The following PGM5 variants were observed in gnomAD, a reference collection of about 807,000 sequenced individuals.
The protein encoded by PGM5 is phosphoglucomutase 5.
PGM5 carries 23 observed loss-of-function variants against 59.2 expected under a neutral mutation model. The observed-to-expected ratio is 0.39, with a 90% CI of 0.28 to 0.55. The LOEUF (loss-of-function observed/expected upper bound fraction) is 0.55, where lower values mean the gene tolerates loss of function less well. PGM5 is among the 20% of genes least tolerant of loss of function. PGM5 has a pLI of 0.66. For synonymous variants in PGM5, 214 were observed against 286.0 expected (o/e 0.75, Z 2.54); for missense variants, 574 against 748.3 (o/e 0.77, Z 2.72).
intron 6 of PGM5, among the ~76,000 whole-genome samples, chr9:68,393,468 G>A (rs1221448043): frequency 6.6e-5 from 10 of 152,034 alleles, no homozygotes; most frequent in South Asian, 2.1e-4. Context: ...AATTTTGGCC[G>A]GGCGTGGCGA....
chr9:68,491,123 C>T (rs1824382566), intron 9 of PGM5, among the ~76,000 whole-genome samples: 2 of 152,120 alleles, frequency 1.3e-5, no homozygotes, highest in Admixed American at 6.5e-5. Context: ...TCATTAGCAC[C>T]GAGGATACAA....
At chr9:68,431,283 T>C (rs1380661494) in intron 6 of PGM5, among the ~76,000 whole-genome samples, 1 of 152,174 alleles carries the variant, frequency 6.6e-6, no homozygotes, top group Non-Finnish European at 1.5e-5. Context: ...CCTCTTGTAT[T>C]CTGTTTTTCT....
intron 6 of PGM5, among the ~76,000 whole-genome samples, chr9:68,433,158 C>T (rs1554683153): frequency 2.0e-5 from 3 of 152,200 alleles, no homozygotes; most frequent in South Asian, 4.1e-4. Context: ...GCTGATGCTA[C>T]AACCCCCCGT....
In PGM5 at chr9:68,465,162, G is replaced by A; in HGVS notation, c.1113G>A (p.Met371Ile). ...PAGWRFFSNLMDSGRCNLCGE... is the reference protein window; with the variant it reads ...PAGWRFFSNLIDSGRCNLCGE... ...GATGGAGATTCTTCTCAAATCTGAT[G>A]GACTCAGGACGTTGCAATCTGTGTG... The change falls in exon 7 of 11, where the codon ATG becomes ATA. Residue 371 changes from methionine (M) to isoleucine (I), a missense_variant. Physicochemically the swap from Met to Ile is conservative, Grantham distance 10. Around this residue, in one of 7 missense-constraint regions of PGM5, gnomAD observed 300 missense variants for 280.0 expected, o/e 1.07. Transcript: ENST00000396396. 1 of 1,613,478 alleles carries A rather than the reference G, an allele frequency of 6.2e-7. No individual in the cohort carries two copies. The highest frequency in any genetic ancestry group is 1.1e-5 in the South Asian group (1 of 91,064).
intron 6 of PGM5, among the ~76,000 whole-genome samples, chr9:68,423,993 A>G (rs1823192055): frequency 6.6e-6 from 1 of 152,196 alleles, no homozygotes; most frequent in Non-Finnish European, 1.5e-5. Context: ...GTATCTCTTG[A>G]CAAAATAAGT....
chr9:68,410,290 C>A (rs1253266391), intron 6 of PGM5, among the ~76,000 whole-genome samples: 1 of 152,140 alleles, frequency 6.6e-6, no homozygotes, highest in Admixed American at 6.5e-5. Flanking sequence ...AAATGGGAGT[C>A]TTCATTCTGA....
intron 6 of PGM5, among the ~76,000 whole-genome samples, chr9:68,424,228 G>C (rs968079343): frequency 6.6e-6 from 1 of 152,178 alleles, no homozygotes; most frequent in African/African-American, 2.4e-5. Context: ...AACACCCTTT[G>C]TCTTAGTCTG....
chr9:68,431,165 C>T (rs530341685), intron 6 of PGM5, among the ~76,000 whole-genome samples: 1 of 152,336 alleles, frequency 6.6e-6, no homozygotes, highest in Admixed American at 6.5e-5. Flanking sequence ...CTAGCCACAT[C>T]GTCTAAGGTT....
At position 68,406,702 on chromosome 9, in the gene PGM5, A is replaced by ATG. The variant is rs1563996732; in HGVS notation, c.1043+14230_1043+14231insGT. On this transcript the variant is annotated intron_variant, in intron 6 of 10. Coordinates refer to ENST00000396396, the MANE Select transcript of PGM5 (RefSeq NM_021965.4). ...TGTATATATATATATATATATATAT[A>ATG]TATATATATATATATATATATATGT... Among the ~76,000 whole-genome samples the ATG allele has an allele frequency of 8.5e-5, 7 of 82,026 alleles. 1 individual carries two copies. Among genetic ancestry groups the ATG allele is most frequent in the Non-Finnish European group, 1.7e-4 (7 of 40,692 alleles). The allele number at this position is 82,026 out of a possible 152,430, so 53.8% of individuals were successfully genotyped here.
intron 6 of PGM5, among the ~76,000 whole-genome samples, chr9:68,407,565 C>T (rs1314860677): frequency 6.6e-6 from 1 of 151,838 alleles, no homozygotes; most frequent in African/African-American, 2.4e-5. Flanking sequence ...GAAAAATTAT[C>T]TTTCTGGGAA....
chr9:68,411,851 A>T lies in PGM5; in HGVS notation c.1043+19378A>T, dbSNP rs530922113. On this transcript the variant is annotated intron_variant, in intron 6 of 10. Transcript: ENST00000396396. ...CTGTAATAAAGCTTTCTTCTCTTAG[A>T]TTATGAATGTTGCTCATGGGGAGCA... 4.3e-4 allele frequency among the ~76,000 whole-genome samples: 65 copies of T among 151,962 alleles called. No individual in the cohort carries two copies. The South Asian group carries it at 0.013, about 30-fold the overall frequency.
At chr9:68,485,343 A>G (rs1824277163) in intron 9 of PGM5, among the ~76,000 whole-genome samples, 1 of 152,096 alleles carries the variant, frequency 6.6e-6, no homozygotes, top group South Asian at 2.1e-4. Flanking sequence ...TCCCCACCCA[A>G]ATCTCATCTT....
At chr9:68,476,047 A>T (rs1363982034) in intron 7 of PGM5, among the ~76,000 whole-genome samples, 1 of 152,140 alleles carries the variant, frequency 6.6e-6, no homozygotes, top group African/African-American at 2.4e-5. Flanking sequence ...TATTTTTCCA[A>T]TTTTTCTTTA....
chr9:68,362,720 T>C (rs1178123739), intron 1 of PGM5, among the ~76,000 whole-genome samples: 9 of 152,260 alleles, frequency 5.9e-5, no homozygotes, highest in African/African-American at 1.9e-4. Flanking sequence ...AGGAATGCCT[T>C]TGTCCTTTTC....
rs1313034318 is a variant in PGM5 at position 68,384,608 on chromosome 9, T to C, written c.571+64T>C. The C allele has an allele frequency of 4.6e-5, 49 of 1,071,846 alleles. No homozygotes were observed. The East Asian group carries it at 1.1e-3, about 23-fold the overall frequency. 66.4% of individuals were successfully genotyped at this position (1,071,846 alleles called of 1,614,324 possible). On this transcript the variant is annotated intron_variant, in intron 3 of 10. Coordinates refer to ENST00000396396, the MANE Select transcript of PGM5 (RefSeq NM_021965.4). ...TGTGGATGGGGCTGACTGGTTTCTG[T>C]AGGGAAGTAAACTCATGAAAATTAT...
chr9:68,486,469 CT>C (rs1250227208), intron 9 of PGM5, among the ~76,000 whole-genome samples: 1 of 152,194 alleles, frequency 6.6e-6, no homozygotes, highest in Non-Finnish European at 1.5e-5. Context: ...CTGGCAACCC[CT>C]GATCTTTCTG....
At chr9:68,469,290 C>T (rs118178304) in intron 7 of PGM5, among the ~76,000 whole-genome samples, 3 of 152,166 alleles carry the variant, frequency 2.0e-5, no homozygotes, top group South Asian at 2.1e-4. Context: ...TAAAATCAAG[C>T]GATGTAACAA....
intron 6 of PGM5, among the ~76,000 whole-genome samples, chr9:68,425,618 T>A (rs1440142423): frequency 7.2e-5 from 11 of 152,226 alleles, no homozygotes; most frequent in Non-Finnish European, 1.3e-4. Flanking sequence ...TACCTACATT[T>A]TAGAAATATT....
chr9:68,395,085 C>T (rs575980040), intron 6 of PGM5, among the ~76,000 whole-genome samples: 1 of 152,202 alleles, frequency 6.6e-6, no homozygotes, highest in East Asian at 1.9e-4. Context: ...ATATTTTCTC[C>T]ATATTTTCTT....
Sources: allele counts gnomAD v4.1 joint callset (sites outside exome capture counted in the v4.1 genomes callset), GRCh38; gene constraint gnomAD v4.1.1; regional missense constraint gnomAD v4.1.1; transcripts MANE v1.5; gene names NCBI Gene and HGNC (gene_info 2026-07-23, HGNC 2026-07-21).